The following ECM2 variants were observed in gnomAD, a reference collection of about 807,000 sequenced individuals.
ECM2 encodes extracellular matrix protein 2.
Under a neutral mutation model 67.5 loss-of-function variants are expected in ECM2, and 57 were observed. That is an observed-to-expected ratio of 0.84 (90% CI 0.68 to 1.05). ECM2 has a LOEUF of 1.05. Among genes scored for constraint, ECM2 ranks in the 50% least tolerant of loss-of-function variants. The pLI is 0.00. For missense variants in ECM2, 741 were observed against 822.8 expected, an observed-to-expected ratio of 0.90 and a Z score of 1.22; for synonymous variants, 258 against 294.5, an observed-to-expected ratio of 0.88 and a Z score of 1.27.
the ECM2 span, among the ~76,000 whole-genome samples, chr9:92,547,897 G>A: frequency 6.6e-6 from 1 of 152,160 alleles, no homozygotes. Flanking sequence ...GCCCACTGAA[G>A]GCCCTGGCCA....
chr9:92,554,843 G>A, the ECM2 span, among the ~76,000 whole-genome samples: 2 of 151,810 alleles, frequency 1.3e-5, no homozygotes, highest in Non-Finnish European at 2.9e-5. Flanking sequence ...TCACCATGTT[G>A]GCCAGGCTGG....
At chr9:92,552,215 A>C in the ECM2 span, among the ~76,000 whole-genome samples, 1,459 of 146,896 alleles carry the variant, frequency 9.9e-3, 23 homozygotes, top group Middle Eastern at 0.042. Flanking sequence ...ACACACACAC[A>C]CCCCACAGTT....
chr9:92,557,794 C>A, the ECM2 span, among the ~76,000 whole-genome samples: 1 of 152,160 alleles, frequency 6.6e-6, no homozygotes, highest in East Asian at 1.9e-4. Flanking sequence ...AAGTATGCAC[C>A]ACCACGCCCG....
At chr9:92,508,909 C>T (rs1847169529) in intron 6 of ECM2, among the ~76,000 whole-genome samples, 1 of 151,952 alleles carries the variant, frequency 6.6e-6, no homozygotes. Flanking sequence ...GTGTTGAGCA[C>T]TGTACCTCAA....
the ECM2 span, among the ~76,000 whole-genome samples, chr9:92,557,379 T>G: frequency 6.6e-6 from 1 of 152,232 alleles, no homozygotes; most frequent in Non-Finnish European, 1.5e-5. Flanking sequence ...CTAGCTAGGC[T>G]GGGGAAGTTT....
chr9:92,551,456 G>A, the ECM2 span, among the ~76,000 whole-genome samples: 4 of 152,054 alleles, frequency 2.6e-5, no homozygotes, highest in African/African-American at 7.2e-5. Context: ...TCCCACCTTA[G>A]CCTGTCAAAT....
chr9:92,547,599 T>C, the ECM2 span, among the ~76,000 whole-genome samples: 4 of 152,240 alleles, frequency 2.6e-5, no homozygotes, highest in African/African-American at 9.6e-5. Context: ...TCGTATGAAA[T>C]GTCCAAAATA....
At chr9:92,544,760 G>A in the ECM2 span, among the ~76,000 whole-genome samples, 1 of 143,294 alleles carries the variant, frequency 7.0e-6, no homozygotes, top group Non-Finnish European at 1.5e-5. Flanking sequence ...TTGTTGCTCA[G>A]GCTGATGTGC....
intron 9 of ECM2, among the ~76,000 whole-genome samples, chr9:92,498,451 A>C (rs1165926560): frequency 6.6e-6 from 1 of 151,930 alleles, no homozygotes; most frequent in Non-Finnish European, 1.5e-5. Flanking sequence ...AGTAAAAAGA[A>C]AATATATATA....
chr9:92,524,104 C>T (rs1285843103), intron 1 of ECM2, among the ~76,000 whole-genome samples: 3 of 152,196 alleles, frequency 2.0e-5, no homozygotes, highest in Non-Finnish European at 4.4e-5. Context: ...CACCTGTTTG[C>T]TAAGACGTTC....
intron 7 of ECM2, among the ~76,000 whole-genome samples, chr9:92,505,049 G>A (rs1846914240): frequency 6.6e-6 from 1 of 152,216 alleles, no homozygotes; most frequent in African/African-American, 2.4e-5. Context: ...CTACAGAGTT[G>A]CTGAAACAGT....
At position 92,509,848 on chromosome 9, in the gene ECM2, T is replaced by A. The variant is rs758296037; in HGVS notation, c.1306+51A>T. Reference sequence around the variant, plus strand: ...AGTAAATAAAATTTCTACAGGACTATATAGGAAAGATTATAAGGAAGCATA... The same window carrying A: ...AGTAAATAAAATTTCTACAGGACTAAATAGGAAAGATTATAAGGAAGCATA... On this transcript the variant is annotated intron_variant, in intron 6 of 9. Coordinates refer to ENST00000344604, the MANE Select transcript of ECM2 (RefSeq NM_001393.4). 3.9e-6 allele frequency: 6 copies of A among 1,554,224 alleles called. No individual in the cohort carries two copies. In the Middle Eastern group the frequency reaches 6.9e-4, roughly 179 times the overall value.
At chr9:92,535,875 C>A in intron 1 of ECM2, 58 bp downstream of exon 1, 1 of 412,386 alleles carries the variant, frequency 2.4e-6, no homozygotes, top group Non-Finnish European at 4.6e-6. Context: ...ATAAAATACC[C>A]AAATATTAAA....
the ECM2 span, among the ~76,000 whole-genome samples, chr9:92,549,379 G>A: frequency 6.6e-6 from 1 of 152,224 alleles, no homozygotes; most frequent in African/African-American, 2.4e-5. Context: ...TGGCCCAGTG[G>A]CTCAAGCCTG....
intron 1 of ECM2, among the ~76,000 whole-genome samples, chr9:92,535,653 CTTAAAAA>C (rs1390571406): frequency 1.3e-5 from 2 of 151,290 alleles, no homozygotes; most frequent in Non-Finnish European, 3.0e-5. Flanking sequence ...TCTTTTAGGA[CTTAAAAA>C]TTAATAATAT....
intron 3 of ECM2, among the ~76,000 whole-genome samples, chr9:92,515,793 C>T (rs2131213342): frequency 6.6e-6 from 1 of 152,302 alleles, no homozygotes; most frequent in South Asian, 2.1e-4. Flanking sequence ...TTCTCTGTCC[C>T]AGACTCTATA....
chr9:92,496,542 G>C lies in ECM2; in HGVS notation c.1932-59C>G, dbSNP rs375300209. Reference sequence around the variant, plus strand: ...TCCCAGTAATAATCTGCCTTTAGGAGTTAAGTTTAACATTTGTTAAAAAAA... The same window carrying C: ...TCCCAGTAATAATCTGCCTTTAGGACTTAAGTTTAACATTTGTTAAAAAAA... On this transcript the variant is annotated intron_variant, in intron 9 of 9. Transcript: ENST00000344604. 4 of 1,557,094 alleles carry C rather than the reference G, an allele frequency of 2.6e-6. No individual in the cohort carries two copies. The African/African-American group carries it at 4.2e-5, about 16-fold the overall frequency.
At chr9:92,537,364 TA>T (rs1490566579), upstream of ECM2, among the ~76,000 whole-genome samples, 2 of 152,080 alleles carry the variant, frequency 1.3e-5, no homozygotes, top group Non-Finnish European at 2.9e-5. Flanking sequence ...TATCTATTTT[TA>T]AAAATGTAAA....
the ECM2 span, among the ~76,000 whole-genome samples, chr9:92,543,255 T>C: frequency 6.6e-6 from 1 of 151,948 alleles, no homozygotes; most frequent in Non-Finnish European, 1.5e-5. Context: ...GTGGATAACT[T>C]GAGGTCAGGA....
Sources: gnomAD v4.1 joint callset for allele counts (sites outside exome capture counted in the v4.1 genomes callset) on GRCh38, gnomAD v4.1.1 for gene constraint, MANE v1.5 for transcripts, NCBI Gene and HGNC (gene_info 2026-07-23, HGNC 2026-07-21) for gene names.